Variants in CDH13 observed in about 807,000 individuals in gnomAD.
CDH13 encodes the protein cadherin-13.
CDH13 carries 24 observed loss-of-function variants against 63.8 expected under a neutral mutation model. The ratio of observed to expected loss-of-function variants is 0.38; its 90% CI spans 0.27 to 0.53. The LOEUF (loss-of-function observed/expected upper bound fraction) is 0.53, where lower values mean the gene tolerates loss of function less well. CDH13 is among the 20% of genes least tolerant of loss of function. The pLI, the probability that CDH13 is intolerant of heterozygous loss-of-function variation, is 0.85. For missense variants in CDH13, 1,049 were observed against 903.1 expected, an observed-to-expected ratio of 1.16 and a Z score of -2.07; for synonymous variants, 503 against 355.3, an observed-to-expected ratio of 1.42 and a Z score of -4.67.
chr16:83,686,627 A>C (rs1159376645), intron 10 of CDH13, among the ~76,000 whole-genome samples: 1 of 152,378 alleles, frequency 6.6e-6, no homozygotes, highest in South Asian at 2.1e-4. Flanking sequence ...GATTATTAGC[A>C]GAATATTTCT....
chr16:83,605,754 C>G (rs1053762309), intron 8 of CDH13, among the ~76,000 whole-genome samples: 1 of 152,164 alleles, frequency 6.6e-6, no homozygotes, highest in Non-Finnish European at 1.5e-5. Flanking sequence ...ATGTCAGAGG[C>G]CAAATTGACA....
At chr16:82,892,663 T>C (rs1287528102) in intron 2 of CDH13, among the ~76,000 whole-genome samples, 1 of 152,214 alleles carries the variant, frequency 6.6e-6, no homozygotes, top group Non-Finnish European at 1.5e-5. Flanking sequence ...CCACTGCAAG[T>C]TGTTCTGTCA....
chr16:83,005,796 G>T (rs545502673), intron 2 of CDH13, among the ~76,000 whole-genome samples: 17 of 152,268 alleles, frequency 1.1e-4, no homozygotes, highest in African/African-American at 3.4e-4. Flanking sequence ...TTTATGGTGA[G>T]CTCAGTTATT....
chr16:83,515,699 G>C (rs2074684440), intron 7 of CDH13, among the ~76,000 whole-genome samples: 1 of 152,090 alleles, frequency 6.6e-6, no homozygotes, highest in Admixed American at 6.5e-5. Flanking sequence ...TTTTTTATAA[G>C]CAGGACAAAA....
At chr16:83,127,785 A>C (rs1405807290) in intron 4 of CDH13, among the ~76,000 whole-genome samples, 1 of 152,190 alleles carries the variant, frequency 6.6e-6, no homozygotes, top group Non-Finnish European at 1.5e-5. Flanking sequence ...GTGCTAATCC[A>C]ATATCCTGGT....
intron 12 of CDH13, among the ~76,000 whole-genome samples, chr16:83,783,044 T>A (rs1177386922): frequency 6.6e-6 from 1 of 152,242 alleles, no homozygotes; most frequent in African/African-American, 2.4e-5. Context: ...AGCAGCCATG[T>A]GTGGCTTCTG....
intron 1 of CDH13, among the ~76,000 whole-genome samples, chr16:82,853,325 T>G (rs948809339): frequency 6.6e-6 from 1 of 152,210 alleles, no homozygotes; most frequent in Non-Finnish European, 1.5e-5. Flanking sequence ...ACAACAAAAG[T>G]AATAATATGT....
chr16:83,422,333 G>C (rs553714727), intron 6 of CDH13, among the ~76,000 whole-genome samples: 36 of 152,282 alleles, frequency 2.4e-4, no homozygotes, highest in Non-Finnish European at 4.3e-4. Flanking sequence ...TTAAGAACCA[G>C]AACTGTTTCC....
intron 7 of CDH13, among the ~76,000 whole-genome samples, chr16:83,524,983 G>A (rs2074927357): frequency 6.6e-6 from 1 of 152,162 alleles, no homozygotes; most frequent in South Asian, 2.1e-4. Context: ...TTCTTGCTGT[G>A]TCAACTTGGA....
intron 2 of CDH13, among the ~76,000 whole-genome samples, chr16:82,902,235 A>G (rs1301711592): frequency 6.6e-6 from 1 of 152,140 alleles, no homozygotes; most frequent in Non-Finnish European, 1.5e-5. Context: ...AGCAATATAA[A>G]GTGGTTCTTT....
chr16:83,255,878 T>G (rs8053104), intron 5 of CDH13, among the ~76,000 whole-genome samples: 23,838 of 151,972 alleles, frequency 0.16, 2,381 homozygotes, highest in African/African-American at 0.28. Flanking sequence ...TGAGACAATG[T>G]CAGTAAAATA....
chr16:82,996,253 T>C (rs756482501), intron 2 of CDH13, among the ~76,000 whole-genome samples: 1 of 151,704 alleles, frequency 6.6e-6, no homozygotes, highest in Non-Finnish European at 1.5e-5. Context: ...GTAATGAAAA[T>C]GGTAAGAAAA....
At chr16:83,675,036 A>G (rs1347203522) in intron 9 of CDH13, among the ~76,000 whole-genome samples, 2 of 152,086 alleles carry the variant, frequency 1.3e-5, no homozygotes, top group African/African-American at 4.8e-5. Flanking sequence ...CAGGCTTTAA[A>G]TTTCCCAGGG....
At chr16:83,102,965 T>TTTTC (rs2034570158) in intron 3 of CDH13, among the ~76,000 whole-genome samples, 6 of 107,824 alleles carry the variant, frequency 5.6e-5, no homozygotes, top group East Asian at 2.8e-4. Context: ...TTTTTTTTTT[T>TTTTC]TTTTTGAGGT....
At chr16:83,417,024 A>T (rs1386615383) in intron 6 of CDH13, among the ~76,000 whole-genome samples, 1 of 152,230 alleles carries the variant, frequency 6.6e-6, no homozygotes, top group African/African-American at 2.4e-5. Context: ...ACCTTTTCTG[A>T]ATATTGTCCA....
At chr16:83,572,976 C>T (rs1162413113) in intron 7 of CDH13, among the ~76,000 whole-genome samples, 1 of 152,180 alleles carries the variant, frequency 6.6e-6, no homozygotes. Context: ...ACAGCGAGCA[C>T]AGGCTGAGTG....
intron 4 of CDH13, among the ~76,000 whole-genome samples, chr16:83,177,144 G>A (rs1466387735): frequency 1.3e-5 from 2 of 152,120 alleles, no homozygotes; most frequent in African/African-American, 4.8e-5. Context: ...AATTTTAATA[G>A]CCACATGTGG....
chr16:83,005,201 C>T (rs762437218), intron 2 of CDH13, among the ~76,000 whole-genome samples: 4 of 152,124 alleles, frequency 2.6e-5, no homozygotes, highest in East Asian at 1.9e-4. Context: ...GGGCTTTAAC[C>T]GGTGGCTCTA....
At chr16:83,486,907 C>A (rs1210543223) in intron 7 of CDH13, among the ~76,000 whole-genome samples, 1 of 152,188 alleles carries the variant, frequency 6.6e-6, no homozygotes, top group African/African-American at 2.4e-5. Context: ...ATTTCCTCAA[C>A]AGCCACTTAT....
Sources: gnomAD v4.1 joint callset for allele counts (sites outside exome capture counted in the v4.1 genomes callset) on GRCh38, gnomAD v4.1.1 for gene constraint, MANE v1.5 for transcripts, NCBI Gene and HGNC (gene_info 2026-07-23, HGNC 2026-07-21) for gene names.